The following REXO5 variants were observed in gnomAD, a reference collection of about 807,000 sequenced individuals.
The protein encoded by REXO5 is exonuclease NEF-sp.
Under a neutral mutation model 88.5 loss-of-function variants are expected in REXO5, and 48 were observed. The ratio of observed to expected loss-of-function variants is 0.54; its 90% confidence interval spans 0.43 to 0.69. REXO5 has a LOEUF of 0.69. Ranked by LOEUF, REXO5 falls within the 30% of genes least tolerant of loss-of-function variation. The probability of loss-of-function intolerance (pLI) is 0.00; values close to 1 mark genes in which losing one functional copy is unlikely to be tolerated. For synonymous variants in REXO5, 311 were observed against 336.5 expected (o/e 0.92, Z 0.83); for missense variants, 749 against 912.2 (o/e 0.82, Z 2.30).
intron 11 of REXO5, among the ~76,000 whole-genome samples, chr16:20,831,318 G>C (rs2081341356): frequency 6.6e-6 from 1 of 152,144 alleles, no homozygotes; most frequent in Non-Finnish European, 1.5e-5. Context: ...CTCACCCCTT[G>C]TGAGAAGATG....
chr16:20,830,738 C>T (rs773513942), intron 11 of REXO5, among the ~76,000 whole-genome samples: 1 of 152,104 alleles, frequency 6.6e-6, no homozygotes, highest in African/African-American at 2.4e-5. Flanking sequence ...CCAAGTTCAT[C>T]TCTAACTTCA....
At chr16:20,816,395 G>T (rs920748522) in intron 5 of REXO5, among the ~76,000 whole-genome samples, 183 bp downstream of exon 5, 1 of 151,884 alleles carries the variant, frequency 6.6e-6, no homozygotes. Flanking sequence ...GTGATCACAC[G>T]GCTCACTGCA....
At chr16:20,831,687 T>C (rs2081347381) in intron 11 of REXO5, among the ~76,000 whole-genome samples, 2 of 152,174 alleles carry the variant, frequency 1.3e-5, no homozygotes, top group South Asian at 4.1e-4. Context: ...GGAGAAGAAA[T>C]AACTAGAATA....
chr16:20,828,867 C>T (rs1322781695), intron 11 of REXO5, among the ~76,000 whole-genome samples: 7 of 150,364 alleles, frequency 4.7e-5, no homozygotes, highest in African/African-American at 7.4e-5. Context: ...GCAGAGGTTG[C>T]GGGGAGGCAG....
intron 5 of REXO5, among the ~76,000 whole-genome samples, chr16:20,819,137 T>C (rs760722229): frequency 5.9e-5 from 9 of 152,212 alleles, no homozygotes; most frequent in South Asian, 4.1e-4. Flanking sequence ...TTCCATGGTG[T>C]ATATGTACCA....
chr16:20,828,794 G>A (rs2081296753), intron 11 of REXO5, among the ~76,000 whole-genome samples: 1 of 152,056 alleles, frequency 6.6e-6, no homozygotes, highest in South Asian at 2.1e-4. Flanking sequence ...AGGTGTGGTG[G>A]CGCGTGCCTG....
At chr16:20,825,162 G>T (rs1461051681) in intron 7 of REXO5, among the ~76,000 whole-genome samples, 1 of 152,200 alleles carries the variant, frequency 6.6e-6, no homozygotes. Flanking sequence ...TTTACACCTT[G>T]AAGATCAGAA....
intron 13 of REXO5, among the ~76,000 whole-genome samples, chr16:20,835,587 A>G (rs186575831): frequency 1.3e-5 from 2 of 152,186 alleles, no homozygotes; most frequent in African/African-American, 4.8e-5. Flanking sequence ...TCCTATCTTT[A>G]AGGATCACTG....
intron 2 of REXO5, 96 bp downstream of exon 2, chr16:20,807,187 T>C (rs1240190937): frequency 2.8e-6 from 4 of 1,425,876 alleles, no homozygotes; most frequent in Middle Eastern, 2.5e-4. Flanking sequence ...TCGGGCGGGC[T>C]CTCCGCCCTG....
intron 3 of REXO5, among the ~76,000 whole-genome samples, chr16:20,814,071 G>T (rs1221336362): frequency 6.6e-6 from 1 of 150,648 alleles, no homozygotes; most frequent in East Asian, 2.0e-4. Context: ...CCATCAGTCT[G>T]TCAGTTTATC....
chr16:20,834,753 A>G (rs1234911927), intron 13 of REXO5, among the ~76,000 whole-genome samples: 1 of 152,068 alleles, frequency 6.6e-6, no homozygotes, highest in East Asian at 1.9e-4. Context: ...AATCCAGTGT[A>G]CTTTCACCTC....
chr16:20,816,040 C>G (rs1174034524), intron 4 of REXO5, 76 bp from the exon 5 acceptor site: 1 of 1,134,464 alleles, frequency 8.8e-7, no homozygotes, highest in African/African-American at 1.5e-5. Context: ...ACTGAGGTGA[C>G]AATAAAAGTC....
chr16:20,807,443 C>T (rs553148327), intron 2 of REXO5: 4 of 259,636 alleles, frequency 1.5e-5, no homozygotes, highest in South Asian at 1.3e-4. Flanking sequence ...ATTAGCCAGG[C>T]GTGGTAGTGG....
At chr16:20,825,736 G>A (rs2081250374) in intron 7 of REXO5, 97 bp from the exon 8 acceptor site, 2 of 815,652 alleles carry the variant, frequency 2.5e-6, no homozygotes, top group East Asian at 2.7e-5. Context: ...CAGGGACCCT[G>A]GTAGATTACA....
intron 11 of REXO5, among the ~76,000 whole-genome samples, chr16:20,829,334 T>G (rs2081306613): frequency 6.6e-6 from 1 of 152,150 alleles, no homozygotes; most frequent in Non-Finnish European, 1.5e-5. Context: ...CTGCATAGAT[T>G]TTTGTTTTCT....
Position 20,832,263 on chromosome 16 carries a change from A to G in REXO5, c.1262+4A>G, listed in dbSNP as rs747449823. On this transcript the variant is annotated splice_donor_region_variant and intron_variant, in intron 12 of 19. Coordinates refer to ENST00000261377, the MANE Select transcript of REXO5 (RefSeq NM_030941.3). Reference sequence around the variant, plus strand: ...TACTTCAGCACCCAAACACAAGGTAATATTTTCAGTTTGAAACAAGAGCAA... The same window carrying G: ...TACTTCAGCACCCAAACACAAGGTAGTATTTTCAGTTTGAAACAAGAGCAA... 24 of 1,586,702 alleles carry G rather than the reference A, an allele frequency of 1.5e-5. No homozygotes were observed. Among genetic ancestry groups the G allele is most frequent in the South Asian group, 7.9e-5 (7 of 88,676 alleles).
intron 8 of REXO5, among the ~76,000 whole-genome samples, chr16:20,826,493 G>A (rs904541454): frequency 4.6e-5 from 7 of 152,202 alleles, no homozygotes; most frequent in African/African-American, 1.4e-4. Context: ...CAGTAGATTC[G>A]TGATGACTTA....
chr16:20,814,775 T>G (rs1596569526), intron 3 of REXO5, 152 bp from the exon 4 acceptor site: 2 of 666,182 alleles, frequency 3.0e-6, no homozygotes, highest in Non-Finnish European at 2.4e-6. Context: ...ATAATGGCTG[T>G]CTTCCAGTTC....
intron 15 of REXO5, among the ~76,000 whole-genome samples, chr16:20,840,879 G>C (rs1047782725): frequency 6.6e-6 from 1 of 152,098 alleles, no homozygotes; most frequent in Non-Finnish European, 1.5e-5. Flanking sequence ...CAAATACCAG[G>C]CCATACGAAA....
Sources: gnomAD v4.1 joint callset for allele counts (sites outside exome capture counted in the v4.1 genomes callset) on GRCh38, gnomAD v4.1.1 for gene constraint, MANE v1.5 for transcripts, NCBI Gene and HGNC (gene_info 2026-07-23, HGNC 2026-07-21) for gene names.